The following ADAM32 variants were observed in gnomAD, a reference collection of about 807,000 sequenced individuals.
The protein encoded by ADAM32 is ADAM metallopeptidase domain 32, also known as disintegrin and metalloproteinase domain-containing protein 32.
Under a neutral mutation model 114.9 loss-of-function variants are expected in ADAM32, and 89 were observed. The ratio of observed to expected loss-of-function variants is 0.77; its 90% CI spans 0.65 to 0.92. ADAM32 has a LOEUF of 0.92. Ranked by LOEUF, ADAM32 falls within the 40% of genes least tolerant of loss-of-function variation. The pLI is 0.00. For synonymous variants in ADAM32, 285 were observed against 307.5 expected, an observed-to-expected ratio of 0.93 and a Z score of 0.77; for missense variants, 870 against 932.8, an observed-to-expected ratio of 0.93 and a Z score of 0.88.
chr8:39,119,785 G>C (rs1840517569), intron 2 of ADAM32, among the ~76,000 whole-genome samples: 1 of 151,912 alleles, frequency 6.6e-6, no homozygotes, highest in African/African-American at 2.4e-5. Flanking sequence ...ACTGAACTGT[G>C]GCCCCTCAAA....
chr8:39,179,528 T>G (rs79209203), intron 10 of ADAM32, among the ~76,000 whole-genome samples: 1 of 152,174 alleles, frequency 6.6e-6, no homozygotes, highest in African/African-American at 2.4e-5. Context: ...AAATGGCTGC[T>G]TCCCTGAGGC....
intron 16 of ADAM32, among the ~76,000 whole-genome samples, chr8:39,240,819 C>G (rs1368969084): frequency 6.6e-6 from 1 of 152,168 alleles, no homozygotes; most frequent in Admixed American, 6.5e-5. Context: ...TGGGTGGGGA[C>G]AGAGCCTAAC....
rs1043932014 is a variant in ADAM32 at position 39,230,433 on chromosome 8, G to A, written c.1526-1594G>A. ...GACTAATAAAATTGAGTTGGTTGGCGACTATACTTTCAGCAGAATTCATCT... is the reference window on the plus strand; with the variant it reads ...GACTAATAAAATTGAGTTGGTTGGCAACTATACTTTCAGCAGAATTCATCT... On this transcript the variant is annotated intron_variant, in intron 14 of 24. Coordinates refer to ENST00000379907, the MANE Select transcript of ADAM32 (RefSeq NM_145004.7). Among the ~76,000 whole-genome samples, 6 of 152,278 alleles carry A rather than the reference G, an allele frequency of 3.9e-5. No individual in the cohort carries two copies. The East Asian group carries it at 9.6e-4, about 24-fold the overall frequency.
Position 39,275,073 on chromosome 8 carries a change from C to A in ADAM32, c.2240+723C>A, listed in dbSNP as rs79978500. Among the ~76,000 whole-genome samples the A allele has an allele frequency of 7.4e-3, 1,129 of 152,318 alleles. 18 individuals are homozygous for A. Among genetic ancestry groups the A allele is most frequent in the African/African-American group, 0.026 (1,071 of 41,570 alleles). On this transcript the variant is annotated intron_variant, in intron 21 of 24. Transcript: ENST00000379907. ...GTGCCTCCTGGTGTTCATTTTTCAT[C>A]TCTACTTCTGAAGCAATTTCCCTGA...
At chr8:39,241,344 G>T (rs1810539613) in intron 16 of ADAM32, among the ~76,000 whole-genome samples, 1 of 152,216 alleles carries the variant, frequency 6.6e-6, no homozygotes, top group African/African-American at 2.4e-5. Context: ...CTGGAGGATG[G>T]TGGCCCTCTT....
rs570000453 is a variant in ADAM32, at chr8:39,222,041, A to G, written c.1326+339A>G. ...ATAAAAACGTTTTTATGGGTTGTGA[A>G]TAAGTATCTATTTATGTGTAATTGA... On this transcript the variant is annotated intron_variant, in intron 13 of 24. Coordinates refer to ENST00000379907, the MANE Select transcript of ADAM32 (RefSeq NM_145004.7). Among the ~76,000 whole-genome samples, 178 of 152,110 alleles carry G rather than the reference A, an allele frequency of 1.2e-3. 1 individual carries two copies. The highest frequency in any genetic ancestry group is 3.9e-3 in the African/African-American group (161 of 41,570).
In ADAM32 at chr8:39,133,014, T is replaced by G. The variant is rs111875454; in HGVS notation, c.139-3643T>G. Reference sequence around the variant, plus strand: ...GTGTAGACTACTGTTTTCCTTCAAATTTTGAATGGTTTTGGCCATTATTTG... The same window carrying G: ...GTGTAGACTACTGTTTTCCTTCAAAGTTTGAATGGTTTTGGCCATTATTTG... On this transcript the variant is annotated intron_variant, in intron 2 of 24. Transcript: ENST00000379907. Among the ~76,000 whole-genome samples, 102 of 152,330 alleles carry G rather than the reference T, an allele frequency of 6.7e-4. 2 individuals carry two copies. Among genetic ancestry groups the G allele is most frequent in the African/African-American group, 2.3e-3 (96 of 41,580 alleles).
In ADAM32 at chr8:39,224,796, A is replaced by G. The variant is rs563618864; in HGVS notation, c.1525+1558A>G. On this transcript the variant is annotated intron_variant, in intron 14 of 24. Coordinates refer to ENST00000379907, the MANE Select transcript of ADAM32 (RefSeq NM_145004.7). The stretch of plus-strand genomic sequence containing the variant: ...CACAAAAAACAAAAAATAGAAAACT[A>G]TTTATGAAGGATAATAGTCTTGTGA... Among the ~76,000 whole-genome samples the G allele has an allele frequency of 1.9e-4, 29 of 152,314 alleles. 1 individual carries two copies. In the South Asian group the frequency reaches 6.0e-3, roughly 32 times the overall value.
intron 2 of ADAM32, 22 bp from the exon 3 acceptor site, chr8:39,136,631 ACTCT>A: frequency 7.0e-7 from 1 of 1,437,554 alleles, no homozygotes; most frequent in Non-Finnish European, 9.4e-7. Flanking sequence ...ATTTGTCTTC[ACTCT>A]CAGTTGTTTT....
chr8:39,164,500 G>A (rs1804706539), intron 7 of ADAM32, among the ~76,000 whole-genome samples: 1 of 152,168 alleles, frequency 6.6e-6, no homozygotes, highest in Non-Finnish European at 1.5e-5. Flanking sequence ...TGAGATTGCT[G>A]GGCCATATAG....
chr8:39,119,847 C>A (rs1840520027), intron 2 of ADAM32, among the ~76,000 whole-genome samples: 1 of 152,052 alleles, frequency 6.6e-6, no homozygotes, highest in South Asian at 2.1e-4. Context: ...GGAGATAGGG[C>A]CTTATGGAGG....
chr8:39,244,419 C>T (rs1322034481), intron 16 of ADAM32, among the ~76,000 whole-genome samples: 3 of 152,154 alleles, frequency 2.0e-5, no homozygotes, highest in African/African-American at 7.2e-5. Flanking sequence ...CTATAATCAC[C>T]AGAACAGCAT....
intron 22 of ADAM32, among the ~76,000 whole-genome samples, chr8:39,279,608 C>A (rs1369200694): frequency 6.6e-6 from 1 of 152,168 alleles, no homozygotes; most frequent in African/African-American, 2.4e-5. Flanking sequence ...TAACTGGGTT[C>A]TTCATGTATT....
rs531872911 is a variant in ADAM32 at position 39,111,753 on chromosome 8, A to G, written c.58+3920A>G. ...AAAAAAAAAAAAAAAGGAAAAAAAAAAAGAACAAGTTGGGAAAAGCTGACA... is the reference window on the plus strand; with the variant it reads ...AAAAAAAAAAAAAAAGGAAAAAAAAGAAGAACAAGTTGGGAAAAGCTGACA... On this transcript the variant is annotated intron_variant, in intron 1 of 24. Transcript: ENST00000379907. Among the ~76,000 whole-genome samples the G allele has an allele frequency of 4.1e-4, 62 of 151,806 alleles. 1 individual carries two copies. Among genetic ancestry groups the G allele is most frequent in the African/African-American group, 1.4e-3 (56 of 41,462 alleles).
intron 13 of ADAM32, among the ~76,000 whole-genome samples, chr8:39,222,160 G>T (rs1015680979): frequency 1.3e-5 from 2 of 151,902 alleles, no homozygotes; most frequent in African/African-American, 4.8e-5. Context: ...TTTAAACTTT[G>T]AACTTATTAT....
At chr8:39,284,280 C>T (rs1411093814) in intron 24 of ADAM32, among the ~76,000 whole-genome samples, 1 of 151,714 alleles carries the variant, frequency 6.6e-6, no homozygotes, top group African/African-American at 2.4e-5. Context: ...TAATCAGGAC[C>T]ATTTTATTCA....
chr8:39,203,667 T>C (rs1321178004), intron 11 of ADAM32, among the ~76,000 whole-genome samples: 4 of 152,244 alleles, frequency 2.6e-5, no homozygotes, highest in Non-Finnish European at 5.9e-5. Flanking sequence ...AATTTGATCC[T>C]GTCATTATGA....
At chr8:39,130,664 G>A (rs987567540) in intron 2 of ADAM32, among the ~76,000 whole-genome samples, 3 of 152,048 alleles carry the variant, frequency 2.0e-5, no homozygotes, top group Non-Finnish European at 4.4e-5. Context: ...GGGTTATTTA[G>A]AAGTGTGTTT....
At chr8:39,226,681 C>T (rs904328433) in intron 14 of ADAM32, among the ~76,000 whole-genome samples, 9 of 151,564 alleles carry the variant, frequency 5.9e-5, no homozygotes, top group African/African-American at 2.2e-4. Flanking sequence ...AGCTCTTCTT[C>T]GGAAATAAAG....
Sources: allele counts gnomAD v4.1 joint callset (sites outside exome capture counted in the v4.1 genomes callset), GRCh38; gene constraint gnomAD v4.1.1; transcripts MANE v1.5; gene names NCBI Gene and HGNC (gene_info 2026-07-23, HGNC 2026-07-21).